STAG3: variants seen among roughly 807,000 people sequenced by gnomAD.
The protein encoded by STAG3 is STAG3 cohesin complex component.
A neutral mutation model predicts 160.7 loss-of-function variants in STAG3; 101 were observed. That is an observed-to-expected ratio of 0.63 (90% CI 0.54 to 0.74). STAG3 has a LOEUF of 0.74. Among genes scored for constraint, STAG3 ranks in the 30% least tolerant of loss-of-function variants. The pLI, the probability that STAG3 is intolerant of heterozygous loss-of-function variation, is 0.00. For missense variants in STAG3, 1,188 were observed against 1,517.4 expected, an observed-to-expected ratio of 0.78 and a Z score of 3.61; for synonymous variants, 519 against 585.0, an observed-to-expected ratio of 0.89 and a Z score of 1.63.
At chr7:100,200,428 G>A in intron 17 of STAG3, 25 bp from the exon 18 acceptor site, 1 of 1,613,748 alleles carries the variant, frequency 6.2e-7, no homozygotes, top group Non-Finnish European at 8.5e-7. Context: ...AGCTTGTAAG[G>A]AGGCCTCCCT....
chr7:100,180,858 C>A, intron 2 of STAG3, 186 bp downstream of exon 2: 10 of 431,964 alleles, frequency 2.3e-5, no homozygotes, highest in East Asian at 4.2e-5. Flanking sequence ...ATGTTGTAGA[C>A]ATCAAAATAG....
At position 100,180,593 on chromosome 7, in the gene STAG3, A is replaced by G. The variant is rs1249275878; in HGVS notation, c.37A>G (p.Lys13Glu). 1 of 1,613,426 alleles carries G rather than the reference A, an allele frequency of 6.2e-7. No homozygotes were observed. The highest frequency in any genetic ancestry group is 2.2e-5 in the East Asian group (1 of 44,886). Residue 13 changes from lysine (K) to glutamate (E), a missense_variant, in exon 2 of 34, where the codon AAG becomes GAG. By Grantham distance (56) the Lys-to-Glu change is moderately conservative. This residue lies in a region of STAG3 where 296 missense variants were observed against 404.0 expected (regional missense o/e 0.73). Transcript: ENST00000615138. ...SPLQRAVGDT[K>E]RALSASSSSS... ...GTTGCAAAGAGCTGTGGGAGATACCAAGAGGGCCTTGTCTGCATCTTCTAG... is the reference window on the plus strand; with the variant it reads ...GTTGCAAAGAGCTGTGGGAGATACCGAGAGGGCCTTGTCTGCATCTTCTAG...
chr7:100,215,648 T>TG (rs1286697711), downstream of STAG3, among the ~76,000 whole-genome samples: 3 of 152,038 alleles, frequency 2.0e-5, no homozygotes, highest in African/African-American at 7.3e-5. Flanking sequence ...AAGAGCAGCT[T>TG]GGGGGCTTTG....
chr7:100,203,990 A>G (rs1730281272), intron 25 of STAG3, 31 bp from the exon 26 acceptor site: 3 of 1,487,100 alleles, frequency 2.0e-6, no homozygotes, highest in Non-Finnish European at 2.8e-6. Context: ...TCCACCAGTC[A>G]GACATTACCT....
Position 100,199,369 on chromosome 7 carries a change from T to C in STAG3, c.1573+2T>C. 6.2e-7 allele frequency: 1 copy of C among 1,612,850 alleles called. No homozygotes were observed. The highest frequency in any genetic ancestry group is 8.5e-7 in the Non-Finnish European group (1 of 1,179,054). On this transcript the variant is annotated splice_donor_variant, in intron 15 of 33. Coordinates refer to ENST00000615138, the MANE Select transcript of STAG3 (RefSeq NM_001282717.2). LOFTEE classifies it high-confidence loss of function. ...GCCTGCTGCTGGAGAAGGACCAGAG[T>C]ACGTGTCACACGGAGCCAGGGACAG...
intron 8 of STAG3, among the ~76,000 whole-genome samples, chr7:100,193,347 C>T (rs947570031): frequency 2.6e-5 from 4 of 152,192 alleles, no homozygotes; most frequent in African/African-American, 4.8e-5. Context: ...TAGCCCCTAA[C>T]GAGGAGTCAG....
At chr7:100,213,849 C>G (rs1490512665) in intron 33 of STAG3, 43 bp downstream of exon 33, 12 of 1,614,000 alleles carry the variant, frequency 7.4e-6, no homozygotes, top group Non-Finnish European at 1.0e-5. Context: ...TTCGGAAATG[C>G]TGGCAGGCAA....
rs1397766689 is a variant in STAG3, at chr7:100,214,205, T to C, written c.*190T>C. On this transcript the variant is annotated 3_prime_UTR_variant, in exon 34 of 34. Transcript: ENST00000615138. Reference sequence around the variant, plus strand: ...GGGGTAGAGAAGCCGAGAGACCCTGTCCTCCCTAATGCACTGTGGCCCAGT... The same window carrying C: ...GGGGTAGAGAAGCCGAGAGACCCTGCCCTCCCTAATGCACTGTGGCCCAGT... 9 of 724,464 alleles carry C rather than the reference T, an allele frequency of 1.2e-5. No homozygotes were observed. The highest frequency in any genetic ancestry group is 2.0e-5 in the Non-Finnish European group (9 of 442,494). The allele number at this position is 724,464 out of a possible 1,614,324, so 44.9% of individuals were successfully genotyped here. A position where few individuals can be genotyped will look rare whatever the true frequency, so the allele number is the denominator to read the frequency against.
intron 8 of STAG3, among the ~76,000 whole-genome samples, chr7:100,191,996 C>G (rs1800371502): frequency 6.6e-6 from 1 of 152,188 alleles, no homozygotes. Context: ...CTTGCTCATT[C>G]ATAAGAAGCA....
chr7:100,193,677 G>C (rs1800480322), intron 8 of STAG3, among the ~76,000 whole-genome samples: 1 of 152,158 alleles, frequency 6.6e-6, no homozygotes, highest in African/African-American at 2.4e-5. Context: ...TCATAGAATG[G>C]AAAACAGCTA....
At position 100,211,445 on chromosome 7, in the gene STAG3, G is replaced by A. The variant is rs769790401; in HGVS notation, c.3424G>A (p.Val1142Ile). ...ELDFAQGSQP[V>I]AGTERSRFLG... Reference sequence around the variant, plus strand: ...CTGCTTCATTCCCAGCAGTCAGCCCGTCGCAGGCACCGAGAGGTCAAGGTT... The same window carrying A: ...CTGCTTCATTCCCAGCAGTCAGCCCATCGCAGGCACCGAGAGGTCAAGGTT... The change falls in exon 31 of 34, where the codon GTC becomes ATC. Residue 1142 changes from valine (V) to isoleucine (I), a missense_variant. By Grantham distance (29) the Val-to-Ile change is conservative. Around this residue, in one of 4 missense-constraint regions of STAG3, gnomAD observed 647 missense variants for 717.2 expected, o/e 0.90. Transcript: ENST00000615138. 1.4e-5 allele frequency: 23 copies of A among 1,613,526 alleles called. No homozygotes were observed. The highest frequency in any genetic ancestry group is 1.7e-5 in the Non-Finnish European group (20 of 1,179,912).
intron 32 of STAG3, 183 bp from the exon 33 acceptor site, chr7:100,213,552 A>G (rs1802473424): frequency 1.0e-6 from 1 of 985,224 alleles, no homozygotes. Context: ...CAGCAGGCCA[A>G]GAAGCGCTCT....
intron 20 of STAG3, 38 bp downstream of exon 20, chr7:100,201,198 C>T (rs769114603): frequency 6.2e-7 from 1 of 1,614,000 alleles, no homozygotes; most frequent in Admixed American, 1.7e-5. Context: ...CCCGTTTTTA[C>T]TGGTGTCTGT....
intron 29 of STAG3, among the ~76,000 whole-genome samples, chr7:100,209,093 G>A (rs915192853): frequency 1.3e-5 from 2 of 152,148 alleles, no homozygotes; most frequent in Non-Finnish European, 2.9e-5. Flanking sequence ...ATTGGTTAGA[G>A]TGGAAAGTTC....
intron 29 of STAG3, among the ~76,000 whole-genome samples, chr7:100,205,628 G>A (rs913175250): frequency 6.6e-6 from 1 of 152,030 alleles, no homozygotes. Context: ...TCAGGTGTTC[G>A]AGACCAGCCT....
chr7:100,202,448 A>C lies in STAG3; in HGVS notation c.2564-6A>C, dbSNP rs766889825. 6.2e-7 allele frequency: 1 copy of C among 1,612,764 alleles called. No homozygotes were observed. Among genetic ancestry groups the C allele is most frequent in the Non-Finnish European group, 8.5e-7 (1 of 1,178,992 alleles). On this transcript the variant is annotated splice_region_variant and splice_polypyrimidine_tract_variant and intron_variant, in intron 24 of 33. Transcript: ENST00000615138. ...GTGATTCCCTTTTGCCTTCCATGTG[A>C]GCCAGGTGATTCCCAGGAGGATCAT...
chr7:100,215,061 C>G (rs1317970565), downstream of STAG3: 1 of 152,250 alleles, frequency 6.6e-6, no homozygotes, highest in Non-Finnish European at 1.5e-5. Flanking sequence ...AGCACAGCAC[C>G]TCTGTTCTCT....
chr7:100,204,186 C>T, intron 26 of STAG3, 64 bp downstream of exon 26: 1 of 1,298,498 alleles, frequency 7.7e-7, no homozygotes, highest in Non-Finnish European at 1.1e-6. Context: ...CTACCCTCAG[C>T]CACTCAGAAT....
At chr7:100,178,720 C>A (rs1249386625) in intron 1 of STAG3, among the ~76,000 whole-genome samples, 1 of 152,024 alleles carries the variant, frequency 6.6e-6, no homozygotes, top group Non-Finnish European at 1.5e-5. Flanking sequence ...GCACTGTGCA[C>A]CACGCCTCGG....
Sources: allele counts gnomAD v4.1 joint callset (sites outside exome capture counted in the v4.1 genomes callset), GRCh38; gene constraint gnomAD v4.1.1; regional missense constraint gnomAD v4.1.1; transcripts MANE v1.5; gene names NCBI Gene and HGNC (gene_info 2026-07-23, HGNC 2026-07-21).